STRIP2: variants seen among roughly 807,000 people sequenced by gnomAD.
STRIP2 encodes the protein striatin interacting protein 2, also known as striatin-interacting protein 2.
A neutral mutation model predicts 107.1 loss-of-function variants in STRIP2; 84 were observed. The ratio of observed to expected loss-of-function variants is 0.78; its 90% CI spans 0.66 to 0.94. The LOEUF (loss-of-function observed/expected upper bound fraction) is 0.94. Among genes scored for constraint, STRIP2 ranks in the 40% least tolerant of loss-of-function variants. STRIP2 has a pLI of 0.00. For missense variants in STRIP2, 888 were observed against 1,034.2 expected (o/e 0.86, Z 1.94); for synonymous variants, 394 against 400.4 (o/e 0.98, Z 0.19).
chr7:129,466,414 A>G (rs1411465482), intron 16 of STRIP2, among the ~76,000 whole-genome samples: 1 of 152,100 alleles, frequency 6.6e-6, no homozygotes, highest in Non-Finnish European at 1.5e-5. Context: ...CTAACTACAT[A>G]CCCAGGGCCA....
intron 1 of STRIP2, among the ~76,000 whole-genome samples, chr7:129,438,621 A>AATTAG (rs1412971302): frequency 6.6e-6 from 1 of 152,136 alleles, no homozygotes; most frequent in Non-Finnish European, 1.5e-5. Flanking sequence ...TTCGATTCTG[A>AATTAG]CACTAACTAC....
intron 18 of STRIP2, among the ~76,000 whole-genome samples, chr7:129,476,475 G>A (rs1434131601): frequency 1.3e-5 from 2 of 150,840 alleles, no homozygotes; most frequent in Non-Finnish European, 3.0e-5. Context: ...CGGCTGCCGG[G>A]CGGAGGGGCT....
In STRIP2 at chr7:129,455,289, C is replaced by T. The variant is rs1387383589; in HGVS notation, c.752C>T (p.Ser251Phe). Residue 251 changes from serine to phenylalanine, a missense_variant, in exon 8 of 21, where the codon TCC (serine) becomes TTC (phenylalanine). Ser to Phe is a radical substitution (Grantham distance 155). Transcript: ENST00000249344. ...GAGCCTTTTGCCCTTTTACTCTTCTCCATGGTTACCAAGTTCTGCAGTGGC... is the reference window on the plus strand; with the variant it reads ...GAGCCTTTTGCCCTTTTACTCTTCTTCATGGTTACCAAGTTCTGCAGTGGC... ...NEEPFALLLF[S>F]MVTKFCSGLA... 48 of 1,613,914 alleles carry T rather than the reference C, an allele frequency of 3.0e-5. No individual in the cohort carries two copies. Among genetic ancestry groups the T allele is most frequent in the Non-Finnish European group, 4.0e-5 (47 of 1,179,940 alleles).
intron 18 of STRIP2, among the ~76,000 whole-genome samples, chr7:129,477,178 G>A (rs1455924356): frequency 2.2e-5 from 3 of 137,900 alleles, no homozygotes; most frequent in Non-Finnish European, 3.1e-5. Context: ...AGAGGGAGAG[G>A]GAGACCGTGG....
chr7:129,442,779 A>G (rs1307418913), intron 2 of STRIP2, among the ~76,000 whole-genome samples: 1 of 152,220 alleles, frequency 6.6e-6, no homozygotes, highest in African/African-American at 2.4e-5. Context: ...CCTGACTCCC[A>G]GACAAGGTGT....
At chr7:129,453,056 CT>C (rs1798239369) in intron 4 of STRIP2, among the ~76,000 whole-genome samples, 170 bp from the exon 5 acceptor site, 1 of 152,162 alleles carries the variant, frequency 6.6e-6, no homozygotes, top group Non-Finnish European at 1.5e-5. Flanking sequence ...TGGAGACTAC[CT>C]CTCCTCTCCC....
intron 18 of STRIP2, among the ~76,000 whole-genome samples, chr7:129,473,563 G>C (rs1028763182): frequency 6.6e-6 from 1 of 151,992 alleles, no homozygotes; most frequent in African/African-American, 2.4e-5. Context: ...GTAGAGACGG[G>C]GTCTTTGTGT....
chr7:129,468,342 A>AAC (rs1349877408), intron 17 of STRIP2, among the ~76,000 whole-genome samples: 4 of 152,118 alleles, frequency 2.6e-5, no homozygotes, highest in Admixed American at 2.0e-4. Flanking sequence ...TGTAGCTTAA[A>AAC]ACACACACAC....
chr7:129,471,308 A>ATC (rs969512216), intron 18 of STRIP2, among the ~76,000 whole-genome samples: 6 of 152,194 alleles, frequency 3.9e-5, no homozygotes, highest in African/African-American at 1.4e-4. Flanking sequence ...AAGATGAGGT[A>ATC]TCTACCTCAT....
In STRIP2 at chr7:129,454,415, C is replaced by A; in HGVS notation, c.600-6C>A. On this transcript the variant is annotated splice_region_variant and splice_polypyrimidine_tract_variant and intron_variant, in intron 6 of 20. Transcript: ENST00000249344. ...GGAACCTCTTGTGACTCTTCTGTAA[C>A]CCCAGGGTGCTGCTGAGTGTTATGT... The A allele has an allele frequency of 3.7e-6, 6 of 1,609,556 alleles. No homozygotes were observed. The highest frequency in any genetic ancestry group is 5.1e-6 in the Non-Finnish European group (6 of 1,175,960).
intron 2 of STRIP2, among the ~76,000 whole-genome samples, chr7:129,440,537 C>T (rs767846374): frequency 6.6e-6 from 1 of 152,106 alleles, no homozygotes; most frequent in South Asian, 2.1e-4. Context: ...TTCTTCCTCT[C>T]GCAACTGCCC....
At chr7:129,475,393 G>A (rs917957411) in intron 18 of STRIP2, among the ~76,000 whole-genome samples, 14 of 151,314 alleles carry the variant, frequency 9.3e-5, no homozygotes, top group Non-Finnish European at 1.9e-4. Flanking sequence ...CTCGCAGAGG[G>A]GGATTTGGCA....
Position 129,453,306 on chromosome 7 carries a change from G to A in STRIP2, c.489G>A (p.Gly163=), listed in dbSNP as rs367625787. 4.6e-5 allele frequency: 75 copies of A among 1,614,152 alleles called. No individual in the cohort carries two copies. The African/African-American group carries it at 7.6e-4, about 16-fold the overall frequency. ...RYNCFLLYQM[G]TFSTFLELLH... ...ACTGCTTCCTGCTGTATCAGATGGG[G>A]ACCTTCTCCACCTTCCTGGAGCTAC... is the stretch of plus-strand genomic sequence containing the variant. Residue 163 remains glycine (G), a synonymous_variant, in exon 5 of 21, where the codon GGG becomes GGA. Coordinates refer to ENST00000249344, the MANE Select transcript of STRIP2 (RefSeq NM_020704.3).
At chr7:129,473,492 T>C (rs1798841857) in intron 18 of STRIP2, among the ~76,000 whole-genome samples, 3 of 151,918 alleles carry the variant, frequency 2.0e-5, no homozygotes, top group Admixed American at 2.0e-4. Context: ...CCTTCCCAAG[T>C]AGCTGGGTGT....
In STRIP2 at chr7:129,451,600, C is replaced by T. The variant is rs377123425; in HGVS notation, c.275-13C>T. Reference sequence around the variant, plus strand: ...ATAGCTGACACTGGATGTATATGGCCTTTTATTCCCAGTGCAGGGCAAGGA... The same window carrying T: ...ATAGCTGACACTGGATGTATATGGCTTTTTATTCCCAGTGCAGGGCAAGGA... On this transcript the variant is annotated splice_polypyrimidine_tract_variant and intron_variant, in intron 3 of 20. Coordinates refer to ENST00000249344, the MANE Select transcript of STRIP2 (RefSeq NM_020704.3). 6 of 1,613,894 alleles carry T rather than the reference C, an allele frequency of 3.7e-6. No homozygotes were observed. The highest frequency in any genetic ancestry group is 5.1e-6 in the Non-Finnish European group (6 of 1,179,930).
intron 2 of STRIP2, among the ~76,000 whole-genome samples, 179 bp downstream of exon 2, chr7:129,440,270 T>A (rs1393174770): frequency 6.6e-6 from 1 of 152,214 alleles, no homozygotes. Flanking sequence ...TCTTCACATT[T>A]CCTTCTGTGA....
chr7:129,442,519 C>T (rs146220617), intron 2 of STRIP2, among the ~76,000 whole-genome samples: 245 of 152,228 alleles, frequency 1.6e-3, no homozygotes, highest in African/African-American at 5.7e-3. Context: ...AGATAATACA[C>T]AGGTGTCTTA....
chr7:129,444,249 G>T, intron 3 of STRIP2, 151 bp downstream of exon 3: 4 of 584,498 alleles, frequency 6.8e-6, no homozygotes, highest in Non-Finnish European at 1.2e-5. Context: ...ATGATAAATA[G>T]ATAGATATAT....
At chr7:129,439,977 T>C in intron 1 of STRIP2, 45 bp from the exon 2 acceptor site, 3 of 1,515,046 alleles carry the variant, frequency 2.0e-6, no homozygotes, top group Non-Finnish European at 2.8e-6. Flanking sequence ...TGGCAACCCC[T>C]TTTTCCAAGT....
Sources: gnomAD v4.1 joint callset for allele counts (sites outside exome capture counted in the v4.1 genomes callset) on GRCh38, gnomAD v4.1.1 for gene constraint, MANE v1.5 for transcripts, NCBI Gene and HGNC (gene_info 2026-07-23, HGNC 2026-07-21) for gene names.